LRP11: variants seen among roughly 807,000 people sequenced by gnomAD.
LRP11 encodes low-density lipoprotein receptor-related protein 11.
A neutral mutation model predicts 43.1 loss-of-function variants in LRP11; 25 were observed. That is an observed-to-expected ratio of 0.58 (90% CI 0.42 to 0.81). The LOEUF is 0.81. Ranked by LOEUF, LRP11 falls within the 30% of genes least tolerant of loss-of-function variation. The probability of loss-of-function intolerance (pLI) is 0.00; values close to 1 mark genes in which losing one functional copy is unlikely to be tolerated. For synonymous variants in LRP11, 316 were observed against 299.4 expected (o/e 1.06, Z -0.57); for missense variants, 623 against 665.1 (o/e 0.94, Z 0.70).
chr6:149,850,843 T>G (rs1477579619), intron 2 of LRP11, among the ~76,000 whole-genome samples: 1 of 152,174 alleles, frequency 6.6e-6, no homozygotes, highest in African/African-American at 2.4e-5. Flanking sequence ...TACTTAGTAA[T>G]CTTTTGCCCA....
chr6:149,837,952 C>CT (rs1458583188), intron 3 of LRP11, among the ~76,000 whole-genome samples: 1 of 152,196 alleles, frequency 6.6e-6, no homozygotes, highest in Non-Finnish European at 1.5e-5. Flanking sequence ...AGGTCTCACT[C>CT]TGTCGCCCAG....
intron 1 of LRP11, among the ~76,000 whole-genome samples, chr6:149,859,397 T>TATATATATA (rs1491456220): frequency 4.1e-5 from 3 of 72,990 alleles, no homozygotes; most frequent in Admixed American, 1.8e-4. Flanking sequence ...TATATATATA[T>TATATATATA]TTTTTTTTTT....
intron 2 of LRP11, among the ~76,000 whole-genome samples, chr6:149,846,263 G>A (rs957359178): frequency 5.9e-4 from 90 of 152,288 alleles, no homozygotes; most frequent in African/African-American, 2.0e-3. Context: ...ATCCTAGCTC[G>A]GAACCAGGCT....
At chr6:149,821,349 C>G (rs372577455) in intron 6 of LRP11, among the ~76,000 whole-genome samples, 1 of 152,130 alleles carries the variant, frequency 6.6e-6, no homozygotes, top group Non-Finnish European at 1.5e-5. Flanking sequence ...ATTCTGATCA[C>G]GAAATTTTTT....
chr6:149,838,855 C>G (rs554446681), intron 3 of LRP11, among the ~76,000 whole-genome samples: 29 of 152,172 alleles, frequency 1.9e-4, no homozygotes, highest in Admixed American at 6.5e-5. Flanking sequence ...AACCGGGTGA[C>G]TATCTGGTAC....
rs1321944373 is a variant in LRP11, at chr6:149,829,412, T to G, written c.1253-3053A>C. ...CCCATCTCTACTAAAAATACAAAAATTAGCTGGGAATGACGGCACACGCTT... is the reference window on the plus strand; with the variant it reads ...CCCATCTCTACTAAAAATACAAAAAGTAGCTGGGAATGACGGCACACGCTT... On this transcript the variant is annotated intron_variant, in intron 5 of 6. Transcript: ENST00000239367. Among the ~76,000 whole-genome samples, 6 of 151,832 alleles carry G rather than the reference T, an allele frequency of 4.0e-5. 1 individual carries two copies. Among genetic ancestry groups the G allele is most frequent in the African/African-American group, 1.5e-4 (6 of 41,318 alleles).
intron 6 of LRP11, 28 bp downstream of exon 6, chr6:149,826,236 G>T (rs1435990272): frequency 6.5e-7 from 1 of 1,542,644 alleles, no homozygotes; most frequent in East Asian, 2.2e-5. Flanking sequence ...ACTACAGTCT[G>T]CAAAGGGTTT....
intron 5 of LRP11, among the ~76,000 whole-genome samples, chr6:149,831,641 C>T (rs900408240): frequency 1.3e-5 from 2 of 152,130 alleles, no homozygotes; most frequent in African/African-American, 4.8e-5. Context: ...GGAATAAATC[C>T]CCAAAAGTGG....
At chr6:149,846,953 T>TAAAATAATAG (rs747243974) in intron 2 of LRP11, among the ~76,000 whole-genome samples, 21 of 131,518 alleles carry the variant, frequency 1.6e-4, no homozygotes, top group East Asian at 6.5e-4. Context: ...TAAAATAAAA[T>TAAAATAATAG]AATAGAATAG....
chr6:149,820,674 C>T lies in LRP11; in HGVS notation c.1378G>A (p.Ala460Thr), dbSNP rs1776266831. ...ATGAGAAGCAGCAGAGCAGTGATAG[C>T]CAAACCCAGCGCCAGGGGTAGCACT... ...GAVLPLALGL[A>T]ITALLLLMVA... The change falls in exon 7 of 7, where the codon GCT becomes ACT. Residue 460 changes from alanine to threonine, a missense_variant. Ala to Thr is a moderately conservative substitution (Grantham distance 58). Transcript: ENST00000239367. The T allele has an allele frequency of 2.6e-6, 2 of 780,882 alleles. No homozygotes were observed. The highest frequency in any genetic ancestry group is 4.8e-6 in the Non-Finnish European group (2 of 418,128). 48.4% of individuals were successfully genotyped at this position (780,882 alleles called of 1,614,324 possible). A position where few individuals can be genotyped will look rare whatever the true frequency, so the allele number is the denominator to read the frequency against.
At chr6:149,853,183 CA>C in intron 1 of LRP11, 23 bp from the exon 2 acceptor site, 1 of 1,527,420 alleles carries the variant, frequency 6.5e-7, no homozygotes, top group African/African-American at 1.4e-5. Context: ...ATAAATAATT[CA>C]TAAAAGATGA....
chr6:149,835,383 T>C (rs1429249385), intron 5 of LRP11, among the ~76,000 whole-genome samples: 1 of 152,216 alleles, frequency 6.6e-6, no homozygotes, highest in Non-Finnish European at 1.5e-5. Context: ...GCAGATTGCT[T>C]GAGCCCAAGA....
At chr6:149,861,350 G>A (rs530202939) in intron 1 of LRP11, among the ~76,000 whole-genome samples, 7 of 152,208 alleles carry the variant, frequency 4.6e-5, no homozygotes, top group Non-Finnish European at 8.8e-5. Flanking sequence ...CAGGAAGTCT[G>A]AGCACAGCAG....
chr6:149,820,405 CAATA>C lies in LRP11; in HGVS notation c.*140_*143del. ...ATGACTTCTAAGGAAACTTTTTTTA[CAATA>C]AATAATAAAGAAAGATTTGGGATTT... is the stretch of plus-strand genomic sequence containing the variant. On this transcript the variant is annotated 3_prime_UTR_variant, in exon 7 of 7. Transcript: ENST00000239367. 2.2e-6 allele frequency: 1 copy of C among 461,542 alleles called. No homozygotes were observed. Among genetic ancestry groups the C allele is most frequent in the Non-Finnish European group, 3.8e-6 (1 of 261,216 alleles). 28.6% of individuals were successfully genotyped at this position (461,542 alleles called of 1,614,324 possible).
intron 2 of LRP11, among the ~76,000 whole-genome samples, chr6:149,846,149 C>G (rs928877939): frequency 6.6e-6 from 1 of 152,164 alleles, no homozygotes; most frequent in Non-Finnish European, 1.5e-5. Context: ...GGGCACCAGG[C>G]TGAACCAAGG....
chr6:149,828,001 G>T (rs1283401431), intron 5 of LRP11, among the ~76,000 whole-genome samples: 1 of 136,732 alleles, frequency 7.3e-6, no homozygotes, highest in Admixed American at 7.6e-5. Flanking sequence ...CAGCCTGGGC[G>T]ACTGAGCAAG....
chr6:149,822,126 T>C (rs144430345), intron 6 of LRP11, among the ~76,000 whole-genome samples: 4 of 152,070 alleles, frequency 2.6e-5, no homozygotes, highest in Non-Finnish European at 4.4e-5. Flanking sequence ...GGTGGGCAAA[T>C]TGCTTGATCC....
intron 3 of LRP11, among the ~76,000 whole-genome samples, chr6:149,841,729 A>G (rs2115390504): frequency 6.6e-6 from 1 of 152,250 alleles, no homozygotes; most frequent in Non-Finnish European, 1.5e-5. Context: ...GTTGGCCAAC[A>G]TGGTGAAACC....
chr6:149,852,417 T>C (rs1776733350), intron 2 of LRP11: 1 of 152,212 alleles, frequency 6.6e-6, no homozygotes, highest in Admixed American at 6.5e-5. Context: ...CACCCAAGAC[T>C]TCCTGAGCAT....
Sources: gnomAD v4.1 joint callset for allele counts (sites outside exome capture counted in the v4.1 genomes callset) on GRCh38, gnomAD v4.1.1 for gene constraint, MANE v1.5 for transcripts, NCBI Gene and HGNC (gene_info 2026-07-23, HGNC 2026-07-21) for gene names.